Variants in KIZ observed in about 807,000 individuals in gnomAD.
The protein encoded by KIZ is centrosomal protein kizuna.
In KIZ, 68 loss-of-function variants were observed where a neutral mutation model predicts 79.6. The observed-to-expected ratio is 0.85, with a 90% CI of 0.70 to 1.05. The LOEUF is 1.05. Among genes scored for constraint, KIZ ranks in the 50% least tolerant of loss-of-function variants. The pLI is 0.00. For missense variants in KIZ, 797 were observed against 800.4 expected (o/e 1.00, Z 0.05); for synonymous variants, 280 against 281.8 (o/e 0.99, Z 0.06).
intron 1 of KIZ, 112 bp downstream of exon 1, chr20:21,126,316 C>G (rs2031463935): frequency 1.5e-6 from 1 of 655,052 alleles, no homozygotes; most frequent in Non-Finnish European, 2.3e-6. Flanking sequence ...GGCCCAGGCC[C>G]GCGCGCAACG....
chr20:21,170,204 ATATTT>A (rs2034141255), intron 6 of KIZ, among the ~76,000 whole-genome samples: 1 of 152,084 alleles, frequency 6.6e-6, no homozygotes, highest in South Asian at 2.1e-4. Flanking sequence ...GGTACATGAA[ATATTT>A]TAATACAAGC....
chr20:21,138,559 G>A (rs2032328834), intron 3 of KIZ, among the ~76,000 whole-genome samples: 1 of 152,160 alleles, frequency 6.6e-6, no homozygotes, highest in South Asian at 2.1e-4. Context: ...AGTTACACCT[G>A]AGGTTATACT....
intron 7 of KIZ, among the ~76,000 whole-genome samples, chr20:21,206,469 TG>T (rs2035833275): frequency 1.3e-5 from 2 of 151,032 alleles, no homozygotes; most frequent in Admixed American, 1.3e-4. Context: ...TGGTACGAGT[TG>T]GGGGTGGGGG....
intron 4 of KIZ, among the ~76,000 whole-genome samples, chr20:21,159,492 C>T (rs766820649): frequency 2.0e-4 from 30 of 152,128 alleles, no homozygotes; most frequent in Non-Finnish European, 3.4e-4. Flanking sequence ...TACCTCCCCC[C>T]GATTCCTTCT....
At chr20:21,192,917 C>T (rs1045339179) in intron 6 of KIZ, among the ~76,000 whole-genome samples, 3 of 152,112 alleles carry the variant, frequency 2.0e-5, no homozygotes, top group African/African-American at 7.2e-5. Flanking sequence ...CAGCCTTAGT[C>T]CTTCTTTCTG....
intron 6 of KIZ, among the ~76,000 whole-genome samples, chr20:21,192,909 G>C (rs1366266981): frequency 6.6e-6 from 1 of 152,196 alleles, no homozygotes; most frequent in African/African-American, 2.4e-5. Flanking sequence ...TGTGTTGACA[G>C]CCTTAGTCCT....
chr20:21,177,218 G>A (rs1265627792), intron 6 of KIZ, among the ~76,000 whole-genome samples: 2 of 152,154 alleles, frequency 1.3e-5, no homozygotes, highest in Admixed American at 1.3e-4. Context: ...GTGTACTAGA[G>A]TTCCAGTTTC....
At chr20:21,183,183 C>G (rs2034731319) in intron 6 of KIZ, among the ~76,000 whole-genome samples, 1 of 152,170 alleles carries the variant, frequency 6.6e-6, no homozygotes, top group African/African-American at 2.4e-5. Flanking sequence ...AGGTGTTTGT[C>G]CTGTGACTGG....
chr20:21,239,209 A>G (rs1193980757), intron 11 of KIZ, among the ~76,000 whole-genome samples: 1 of 152,232 alleles, frequency 6.6e-6, no homozygotes, highest in African/African-American at 2.4e-5. Flanking sequence ...CTTGCCCAGG[A>G]TCATGCAGTG....
chr20:21,192,919 T>C (rs905321157), intron 6 of KIZ, among the ~76,000 whole-genome samples: 2 of 152,184 alleles, frequency 1.3e-5, no homozygotes, highest in African/African-American at 4.8e-5. Context: ...GCCTTAGTCC[T>C]TCTTTCTGCA....
At chr20:21,194,138 C>T (rs1225269129) in intron 6 of KIZ, 6 of 152,060 alleles carry the variant, frequency 3.9e-5, no homozygotes, top group Non-Finnish European at 7.4e-5. Context: ...TTTAATTTGG[C>T]CAAATTTTTT....
chr20:21,239,820 T>C (rs2037156000), intron 11 of KIZ, among the ~76,000 whole-genome samples: 2 of 152,256 alleles, frequency 1.3e-5, no homozygotes, highest in Admixed American at 1.3e-4. Flanking sequence ...TGGCTGGCCC[T>C]AACTTTTTAA....
intron 7 of KIZ, among the ~76,000 whole-genome samples, chr20:21,206,652 C>T (rs2035839537): frequency 1.3e-5 from 2 of 152,134 alleles, no homozygotes; most frequent in South Asian, 2.1e-4. Flanking sequence ...GATGCCAGGC[C>T]AGGGAGAATG....
In KIZ at chr20:21,145,667, A is replaced by T; in HGVS notation, c.405+13A>T. 1 of 1,199,386 alleles carries T rather than the reference A, an allele frequency of 8.3e-7. No homozygotes were observed. Among genetic ancestry groups the T allele is most frequent in the South Asian group, 1.5e-5 (1 of 67,054 alleles). The allele number at this position is 1,199,386 out of a possible 1,614,324, so 74.3% of individuals were successfully genotyped here. ...AGACAGAGAAAAGGTAATAAACTAA[A>T]TTGGTAACCTTTCTGTTAACAGAGG... On this transcript the variant is annotated intron_variant, in intron 4 of 12. Coordinates refer to ENST00000619189, the MANE Select transcript of KIZ (RefSeq NM_018474.6).
chr20:21,197,310 A>G (rs1023156214), intron 6 of KIZ: 5 of 152,234 alleles, frequency 3.3e-5, no homozygotes, highest in Admixed American at 3.3e-4. Flanking sequence ...ATGCCTTCCT[A>G]TTCTGATTAA....
At chr20:21,187,458 A>G (rs1235395825) in intron 6 of KIZ, among the ~76,000 whole-genome samples, 1 of 152,186 alleles carries the variant, frequency 6.6e-6, no homozygotes, top group African/African-American at 2.4e-5. Flanking sequence ...AGACTCACTT[A>G]TCCTAGAGAA....
At chr20:21,218,076 A>T (rs921850705) in intron 9 of KIZ, 23 of 152,224 alleles carry the variant, frequency 1.5e-4, no homozygotes, top group African/African-American at 5.5e-4. Flanking sequence ...TCCCAATAGT[A>T]CTGCTATGTT....
intron 9 of KIZ, chr20:21,218,208 A>G (rs2036373371): frequency 6.6e-6 from 1 of 152,204 alleles, no homozygotes; most frequent in Non-Finnish European, 1.5e-5. Flanking sequence ...ACTTAGTCCC[A>G]TGAGGACATC....
intron 3 of KIZ, among the ~76,000 whole-genome samples, chr20:21,138,307 C>T (rs909850786): frequency 6.6e-6 from 1 of 152,036 alleles, no homozygotes; most frequent in Non-Finnish European, 1.5e-5. Flanking sequence ...GATCCGCATT[C>T]TGAATCTAAG....
Sources: allele counts gnomAD v4.1 joint callset (sites outside exome capture counted in the v4.1 genomes callset), GRCh38; gene constraint gnomAD v4.1.1; transcripts MANE v1.5; gene names NCBI Gene and HGNC (gene_info 2026-07-23, HGNC 2026-07-21).